The following C8orf34 variants were observed in gnomAD, a reference collection of about 807,000 sequenced individuals.
C8orf34 encodes the protein uncharacterized protein C8orf34.
Under a neutral mutation model 68.3 loss-of-function variants are expected in C8orf34, and 65 were observed. The observed-to-expected ratio is 0.95, with a 90% CI of 0.78 to 1.17. The LOEUF is 1.17. Among genes scored for constraint, C8orf34 ranks in the 50% most tolerant of loss-of-function variants. The pLI, the probability that C8orf34 is intolerant of heterozygous loss-of-function variation, is 0.00. For missense variants in C8orf34, 664 were observed against 655.4 expected (o/e 1.01, Z -0.14); for synonymous variants, 244 against 241.2 (o/e 1.01, Z -0.11).
At chr8:68,332,760 C>A (rs1805682763) in intron 1 of C8orf34, among the ~76,000 whole-genome samples, 1 of 152,108 alleles carries the variant, frequency 6.6e-6, no homozygotes, top group East Asian at 1.9e-4. Flanking sequence ...TCAATTGAAG[C>A]TCGCATTGTG....
chr8:68,478,060 G>A (rs539400175), intron 4 of C8orf34, among the ~76,000 whole-genome samples: 8 of 152,296 alleles, frequency 5.3e-5, no homozygotes, highest in African/African-American at 1.9e-4. Context: ...TTGGTGAATA[G>A]CATTCAGCTC....
chr8:68,443,661 C>A (rs1811005231), intron 2 of C8orf34, among the ~76,000 whole-genome samples: 2 of 152,084 alleles, frequency 1.3e-5, no homozygotes, highest in Non-Finnish European at 2.9e-5. Flanking sequence ...CCACCTCGGC[C>A]TCCCAAAGTG....
intron 11 of C8orf34, among the ~76,000 whole-genome samples, chr8:68,782,733 A>G (rs1823715936): frequency 1.3e-5 from 2 of 152,134 alleles, no homozygotes; most frequent in South Asian, 4.1e-4. Flanking sequence ...TGCTTGTGCT[A>G]AAAATCTTGT....
chr8:68,596,292 T>C (rs1817544262), intron 7 of C8orf34, among the ~76,000 whole-genome samples: 1 of 152,102 alleles, frequency 6.6e-6, no homozygotes, highest in South Asian at 2.1e-4. Context: ...CCGTCTCCAT[T>C]GGATAATCAT....
At chr8:68,481,580 G>T (rs572001623) in intron 4 of C8orf34, among the ~76,000 whole-genome samples, 5 of 152,330 alleles carry the variant, frequency 3.3e-5, no homozygotes, top group Admixed American at 1.3e-4. Context: ...CCACAGGGGC[G>T]GGGCTGCCTA....
intron 6 of C8orf34, among the ~76,000 whole-genome samples, chr8:68,526,785 A>G (rs1266443018): frequency 6.6e-6 from 1 of 152,194 alleles, no homozygotes; most frequent in African/African-American, 2.4e-5. Context: ...TTTTTCACCA[A>G]AAAGAACGCA....
At chr8:68,422,734 C>T (rs980402246) in intron 1 of C8orf34, among the ~76,000 whole-genome samples, 1 of 152,214 alleles carries the variant, frequency 6.6e-6, no homozygotes. Flanking sequence ...CCACACTGCC[C>T]TAGCAGAGGT....
At chr8:68,404,590 T>G (rs917097951) in intron 1 of C8orf34, among the ~76,000 whole-genome samples, 2 of 152,214 alleles carry the variant, frequency 1.3e-5, no homozygotes, top group Admixed American at 6.5e-5. Context: ...GTTTTCTGCA[T>G]ATGACTAGCC....
intron 12 of C8orf34, chr8:68,791,123 A>T (rs1264030140): frequency 4.1e-6 from 2 of 486,032 alleles, no homozygotes; most frequent in Non-Finnish European, 7.2e-6. Flanking sequence ...ACACTGCTAT[A>T]AAGAACTGCC....
rs552502105 is a variant in C8orf34, at chr8:68,748,852, A to G, written c.1404+27415A>G. ...GGCAATTCCTCAGGGATCTAGAACT[A>G]GAAATACCATTTGACCCAGCCATCC... On this transcript the variant is annotated intron_variant, in intron 10 of 13. Transcript: ENST00000518698. 4.0e-3 allele frequency among the ~76,000 whole-genome samples: 605 copies of G among 151,964 alleles called. 6 individuals are homozygous for G. The highest frequency in any genetic ancestry group is 0.013 in the African/African-American group (546 of 41,222).
intron 10 of C8orf34, among the ~76,000 whole-genome samples, chr8:68,764,940 T>G (rs1359438271): frequency 2.6e-5 from 4 of 152,208 alleles, no homozygotes; most frequent in African/African-American, 9.6e-5. Flanking sequence ...ATTCTTCTAA[T>G]GAAAGTAACA....
chr8:68,475,834 T>C (rs13252715), intron 4 of C8orf34, among the ~76,000 whole-genome samples: 109,855 of 152,082 alleles, frequency 0.72, 40,979 homozygotes, highest in African/African-American at 0.91. Context: ...TGATGTGAGG[T>C]AGTGGTGGGA....
At chr8:68,766,022 A>C (rs1464460627) in intron 10 of C8orf34, among the ~76,000 whole-genome samples, 1 of 152,250 alleles carries the variant, frequency 6.6e-6, no homozygotes, top group African/African-American at 2.4e-5. Flanking sequence ...TGAATGAAAA[A>C]AAAATTAGAG....
intron 10 of C8orf34, among the ~76,000 whole-genome samples, chr8:68,755,991 C>T (rs1411037421): frequency 1.3e-5 from 2 of 151,446 alleles, no homozygotes; most frequent in Non-Finnish European, 2.9e-5. Context: ...GGCGTGAACC[C>T]GGGAGGCGGA....
At chr8:68,385,759 A>G (rs1008090566) in intron 1 of C8orf34, among the ~76,000 whole-genome samples, 3 of 152,180 alleles carry the variant, frequency 2.0e-5, no homozygotes, top group African/African-American at 7.2e-5. Context: ...TTTGGATCTT[A>G]TTGAATCCCC....
chr8:68,809,771 C>T (rs1221047656), intron 12 of C8orf34, among the ~76,000 whole-genome samples: 1 of 152,128 alleles, frequency 6.6e-6, no homozygotes, highest in Non-Finnish European at 1.5e-5. Flanking sequence ...AGATGTTATA[C>T]TGTATTTCCA....
At chr8:68,627,588 G>A (rs1267325070) in intron 7 of C8orf34, among the ~76,000 whole-genome samples, 1 of 152,188 alleles carries the variant, frequency 6.6e-6, no homozygotes, top group Non-Finnish European at 1.5e-5. Context: ...TTTGTGGTGT[G>A]TGAAAACTGA....
At chr8:68,491,791 G>A (rs1211913969) in intron 5 of C8orf34, among the ~76,000 whole-genome samples, 2 of 152,176 alleles carry the variant, frequency 1.3e-5, no homozygotes, top group Non-Finnish European at 2.9e-5. Context: ...ATTAGGACAT[G>A]AACATCTCTG....
intron 12 of C8orf34, among the ~76,000 whole-genome samples, chr8:68,809,612 C>T (rs1824586857): frequency 6.6e-6 from 1 of 152,274 alleles, no homozygotes; most frequent in South Asian, 2.1e-4. Flanking sequence ...CAAAAAAGAA[C>T]CCATTACTCA....
Sources: gnomAD v4.1 joint callset for allele counts (sites outside exome capture counted in the v4.1 genomes callset) on GRCh38, gnomAD v4.1.1 for gene constraint, MANE v1.5 for transcripts, NCBI Gene and HGNC (gene_info 2026-07-23, HGNC 2026-07-21) for gene names.